Variants in PCDH15 observed in about 807,000 individuals in gnomAD.
The protein encoded by PCDH15 is protocadherin-15.
In PCDH15, 129 loss-of-function variants were observed where a neutral mutation model predicts 178.5. The ratio of observed to expected loss-of-function variants is 0.72; its 90% confidence interval spans 0.63 to 0.84. The LOEUF is 0.84. PCDH15 is among the 40% of genes least tolerant of loss of function. The probability of loss-of-function intolerance (pLI) is 0.00; values close to 1 mark genes in which losing one functional copy is unlikely to be tolerated. For missense variants in PCDH15, 2,230 were observed against 2,099.9 expected, an observed-to-expected ratio of 1.06 and a Z score of -1.21; for synonymous variants, 800 against 732.0, an observed-to-expected ratio of 1.09 and a Z score of -1.50.
intron 2 of PCDH15, among the ~76,000 whole-genome samples, chr10:55,519,746 A>G (rs1841113572): frequency 6.9e-6 from 1 of 144,228 alleles, no homozygotes; most frequent in Admixed American, 7.0e-5. Flanking sequence ...CTTTTTTTTT[A>G]CAATTTCCCA....
chr10:55,338,708 A>G (rs6481155), intron 2 of PCDH15, among the ~76,000 whole-genome samples: 82,256 of 151,906 alleles, frequency 0.54, 22,505 homozygotes, highest in African/African-American at 0.61. Context: ...GGAGATGGCA[A>G]ATGTTGCAGT....
intron 18 of PCDH15, among the ~76,000 whole-genome samples, chr10:54,027,521 C>T (rs564044003): frequency 2.0e-5 from 3 of 150,888 alleles, no homozygotes; most frequent in African/African-American, 7.4e-5. Flanking sequence ...GGAGGCATCA[C>T]ACTACCTGAC....
intron 2 of PCDH15, among the ~76,000 whole-genome samples, chr10:55,386,683 C>T (rs994663398): frequency 3.9e-5 from 6 of 151,980 alleles, no homozygotes; most frequent in African/African-American, 7.2e-5. Flanking sequence ...TAAATACTTG[C>T]ATACATTTGC....
chr10:54,186,104 G>T (rs1334497568), intron 11 of PCDH15, among the ~76,000 whole-genome samples: 1 of 151,986 alleles, frequency 6.6e-6, no homozygotes, highest in Non-Finnish European at 1.5e-5. Flanking sequence ...TGTCTGCATA[G>T]TAGGAAAGAA....
chr10:53,830,028 G>A (rs2076925346), intron 30 of PCDH15, among the ~76,000 whole-genome samples: 1 of 152,160 alleles, frequency 6.6e-6, no homozygotes, highest in African/African-American at 2.4e-5. Flanking sequence ...TATTGGCTGG[G>A]CGCGGTGGCT....
intron 21 of PCDH15, among the ~76,000 whole-genome samples, chr10:53,982,952 ATTGT>A (rs1266751179): frequency 6.6e-6 from 1 of 152,102 alleles, no homozygotes; most frequent in Non-Finnish European, 1.5e-5. Flanking sequence ...TCAGGCTCAC[ATTGT>A]TTCCTTCATA....
intron 2 of PCDH15, chr10:54,897,515 A>G (rs911427188): frequency 6.6e-6 from 1 of 152,232 alleles, no homozygotes; most frequent in Non-Finnish European, 1.5e-5. Context: ...AAATAAAAAG[A>G]ACTTATTCAG....
intron 25 of PCDH15, among the ~76,000 whole-genome samples, chr10:53,924,965 C>T (rs904176685): frequency 2.0e-5 from 3 of 152,158 alleles, no homozygotes; most frequent in Admixed American, 6.6e-5. Context: ...ACGCACCAAT[C>T]AGCACCCTGT....
intron 3 of PCDH15, among the ~76,000 whole-genome samples, chr10:54,872,002 CTA>C (rs1954048952): frequency 6.6e-6 from 1 of 151,966 alleles, no homozygotes; most frequent in Non-Finnish European, 1.5e-5. Context: ...TCAGGCATAA[CTA>C]TTAAAAATCT....
chr10:54,566,275 G>T (rs1219784), intron 2 of PCDH15, among the ~76,000 whole-genome samples: 141,063 of 152,164 alleles, frequency 0.93, 65,934 homozygotes, highest in South Asian at 0.98. Context: ...TGCATAACTT[G>T]TATTATCAGC....
At chr10:54,183,186 G>A (rs1325447607) in intron 13 of PCDH15, among the ~76,000 whole-genome samples, 3 of 152,162 alleles carry the variant, frequency 2.0e-5, no homozygotes. Context: ...GGTCAGGCTG[G>A]TCTCGAACTC....
intron 2 of PCDH15, among the ~76,000 whole-genome samples, chr10:54,604,993 T>C (rs561059586): frequency 6.6e-6 from 1 of 152,006 alleles, no homozygotes; most frequent in African/African-American, 2.4e-5. Context: ...ATAATTATAA[T>C]AATCTAAAAC....
At chr10:54,860,427 T>C (rs1953818919) in intron 3 of PCDH15, among the ~76,000 whole-genome samples, 2 of 152,190 alleles carry the variant, frequency 1.3e-5, no homozygotes, top group South Asian at 4.1e-4. Flanking sequence ...CTGCATTCGT[T>C]AGCTTATGAC....
At chr10:54,386,661 CAATAGTTT>C (rs1949970693) in intron 3 of PCDH15, among the ~76,000 whole-genome samples, 1 of 151,972 alleles carries the variant, frequency 6.6e-6, no homozygotes, top group Non-Finnish European at 1.5e-5. Flanking sequence ...GAACTTGAAT[CAATAGTTT>C]TTCAAAGAAG....
upstream of PCDH15, among the ~76,000 whole-genome samples, chr10:54,803,689 A>G (rs1478880038): frequency 6.6e-6 from 1 of 152,226 alleles, no homozygotes; most frequent in Non-Finnish European, 1.5e-5. Context: ...TCTACCACAA[A>G]GTCTGATACA....
intron 18 of PCDH15, among the ~76,000 whole-genome samples, chr10:54,059,974 C>T (rs2093980063): frequency 6.6e-6 from 1 of 152,146 alleles, no homozygotes; most frequent in Non-Finnish European, 1.5e-5. Context: ...ATGCAAGCTC[C>T]ACATATCCCA....
At chr10:54,212,936 A>C (rs2051601856) in intron 10 of PCDH15, among the ~76,000 whole-genome samples, 1 of 152,118 alleles carries the variant, frequency 6.6e-6, no homozygotes, top group Admixed American at 6.5e-5. Flanking sequence ...ATTTTGTGCA[A>C]ATGAGAATAT....
chr10:54,030,731 T>C (rs2093268569), intron 18 of PCDH15, among the ~76,000 whole-genome samples: 1 of 152,114 alleles, frequency 6.6e-6, no homozygotes, highest in Non-Finnish European at 1.5e-5. Flanking sequence ...TACCTGGTCT[T>C]GTTCTAACCT....
At chr10:54,122,650 C>G (rs73239949) in intron 15 of PCDH15, among the ~76,000 whole-genome samples, 4,455 of 151,834 alleles carry the variant, frequency 0.029, 241 homozygotes, top group African/African-American at 0.1. Flanking sequence ...CTAGAAAACC[C>G]TAAAGACTCT....
Sources: gnomAD v4.1 joint callset for allele counts (sites outside exome capture counted in the v4.1 genomes callset) on GRCh38, gnomAD v4.1.1 for gene constraint, MANE v1.5 for transcripts, NCBI Gene and HGNC (gene_info 2026-07-23, HGNC 2026-07-21) for gene names.